DACH1: variants seen among roughly 807,000 people sequenced by gnomAD.
DACH1 encodes the protein dachshund family transcription factor 1, also known as dachshund homolog 1.
In DACH1, 12 loss-of-function variants were observed where a neutral mutation model predicts 54.2. That is an observed-to-expected ratio of 0.22 (90% CI 0.14 to 0.36). The LOEUF is 0.36. Among genes scored for constraint, DACH1 ranks in the 10% least tolerant of loss-of-function variants. The pLI is 1.00. For synonymous variants in DACH1, 386 were observed against 366.2 expected, an observed-to-expected ratio of 1.05 and a Z score of -0.62; for missense variants, 805 against 929.8, an observed-to-expected ratio of 0.87 and a Z score of 1.75.
intron 1 of DACH1, among the ~76,000 whole-genome samples, chr13:71,788,472 G>A (rs1030070935): frequency 1.4e-4 from 22 of 151,800 alleles, no homozygotes; most frequent in African/African-American, 4.6e-4. Context: ...AACATATAAC[G>A]AATCAAATAA....
chr13:71,576,279 CTG>C (rs1221611515), intron 3 of DACH1, among the ~76,000 whole-genome samples: 2 of 152,008 alleles, frequency 1.3e-5, no homozygotes, highest in East Asian at 1.9e-4. Flanking sequence ...TAAAGAGTGA[CTG>C]TGTGTGTTTA....
At chr13:71,602,127 T>C (rs1874538980) in intron 3 of DACH1, among the ~76,000 whole-genome samples, 1 of 151,978 alleles carries the variant, frequency 6.6e-6, no homozygotes, top group South Asian at 2.1e-4. Flanking sequence ...ACTCTATAAA[T>C]ATGGCACTAT....
At chr13:71,443,991 T>C (rs1430631832) in intron 10 of DACH1, among the ~76,000 whole-genome samples, 2 of 152,192 alleles carry the variant, frequency 1.3e-5, no homozygotes, top group African/African-American at 2.4e-5. Flanking sequence ...TGGGCTCACC[T>C]GTGGGACCAA....
chr13:71,570,345 G>A (rs890160445), intron 4 of DACH1, among the ~76,000 whole-genome samples: 7 of 152,000 alleles, frequency 4.6e-5, no homozygotes, highest in Non-Finnish European at 1.0e-4. Context: ...TGTCAAATTC[G>A]AAGCTATACA....
chr13:71,559,702 CAG>C (rs1424701180), intron 5 of DACH1, 116 bp downstream of exon 5: 1 of 1,316,094 alleles, frequency 7.6e-7, no homozygotes, highest in South Asian at 1.3e-5. Context: ...GCTATTGCTA[CAG>C]AGTTTCAGAA....
At chr13:71,737,867 A>C (rs538189684) in intron 1 of DACH1, among the ~76,000 whole-genome samples, 1 of 152,344 alleles carries the variant, frequency 6.6e-6, no homozygotes, top group South Asian at 2.1e-4. Context: ...AGTCTCTATT[A>C]AAAATGACTA....
intron 3 of DACH1, among the ~76,000 whole-genome samples, chr13:71,602,495 A>ATG (rs1326424849): frequency 1.3e-5 from 2 of 151,920 alleles, no homozygotes; most frequent in Non-Finnish European, 2.9e-5. Context: ...GCAATTATTT[A>ATG]TGTTTTCTTC....
At chr13:71,640,221 T>C (rs1411468360) in intron 2 of DACH1, among the ~76,000 whole-genome samples, 1 of 152,022 alleles carries the variant, frequency 6.6e-6, no homozygotes, top group South Asian at 2.1e-4. Context: ...TAGTAGCTTA[T>C]GGATTGTATA....
intron 1 of DACH1, among the ~76,000 whole-genome samples, chr13:71,831,061 A>G (rs536579773): frequency 1.3e-5 from 2 of 152,068 alleles, no homozygotes; most frequent in Admixed American, 6.6e-5. Flanking sequence ...ATAGTGTTGA[A>G]GAAGCTTAAG....
intron 1 of DACH1, among the ~76,000 whole-genome samples, chr13:71,755,458 T>A: frequency 6.6e-6 from 1 of 152,136 alleles, no homozygotes; most frequent in East Asian, 1.9e-4. Context: ...GCTAGTTAAA[T>A]CTCTTCTTTC....
At chr13:71,600,580 T>C (rs1385574823) in intron 3 of DACH1, among the ~76,000 whole-genome samples, 1 of 151,996 alleles carries the variant, frequency 6.6e-6, no homozygotes, top group Non-Finnish European at 1.5e-5. Context: ...TCATTTTATA[T>C]ATAAAATAGC....
At chr13:71,783,011 G>A (rs1052472152) in intron 1 of DACH1, among the ~76,000 whole-genome samples, 1 of 152,024 alleles carries the variant, frequency 6.6e-6, no homozygotes, top group African/African-American at 2.4e-5. Context: ...AGTGAAAGAG[G>A]GAAGGATCAA....
At chr13:71,461,086 A>G (rs1876029484) in intron 10 of DACH1, among the ~76,000 whole-genome samples, 1 of 152,082 alleles carries the variant, frequency 6.6e-6, no homozygotes, top group South Asian at 2.1e-4. Flanking sequence ...CTTTAAATTA[A>G]GGCATCTTCT....
chr13:71,660,701 C>A (rs1594063070), intron 2 of DACH1, among the ~76,000 whole-genome samples: 1 of 151,794 alleles, frequency 6.6e-6, no homozygotes, highest in Non-Finnish European at 1.5e-5. Flanking sequence ...TTAAATAAAT[C>A]TCTAAAATAT....
At chr13:71,514,726 A>T (rs1425430840) in intron 6 of DACH1, among the ~76,000 whole-genome samples, 1 of 151,888 alleles carries the variant, frequency 6.6e-6, no homozygotes, top group East Asian at 1.9e-4. Flanking sequence ...CAATGAAATG[A>T]AACTTGTCTC....
intron 1 of DACH1, among the ~76,000 whole-genome samples, chr13:71,771,656 C>G (rs1169729401): frequency 2.0e-5 from 3 of 151,288 alleles, no homozygotes; most frequent in Non-Finnish European, 4.4e-5. Flanking sequence ...GATAGATAAC[C>G]TAACATAATT....
At position 71,781,535 on chromosome 13, in the gene DACH1, C is replaced by T. The variant is rs183693927; in HGVS notation, c.848+84387G>A. On this transcript the variant is annotated intron_variant, in intron 1 of 10. Transcript: ENST00000613252. The stretch of plus-strand genomic sequence containing the variant: ...CTGAGACTACAGGCACCCGCCAAAG[C>T]GCCCGGCTAATTTTTTCTATTTTTA... Among the ~76,000 whole-genome samples, 791 of 151,882 alleles carry T rather than the reference C, an allele frequency of 5.2e-3. 5 individuals are homozygous for T. The highest frequency in any genetic ancestry group is 0.018 in the African/African-American group (747 of 41,430).
chr13:71,655,970 T>A (rs945156605), intron 2 of DACH1, among the ~76,000 whole-genome samples: 1 of 152,264 alleles, frequency 6.6e-6, no homozygotes, highest in South Asian at 2.1e-4. Flanking sequence ...AAAAAGAAAG[T>A]AGAAAGTAAT....
chr13:71,782,303 A>G (rs1886418385), intron 1 of DACH1, among the ~76,000 whole-genome samples: 1 of 152,020 alleles, frequency 6.6e-6, no homozygotes, highest in Non-Finnish European at 1.5e-5. Context: ...TTAGCTGGGC[A>G]TGGTGATGCA....
Sources: allele counts gnomAD v4.1 joint callset (sites outside exome capture counted in the v4.1 genomes callset), GRCh38; gene constraint gnomAD v4.1.1; transcripts MANE v1.5; gene names NCBI Gene and HGNC (gene_info 2026-07-23, HGNC 2026-07-21).